The following OPA3 variants were observed in gnomAD, a reference collection of about 807,000 sequenced individuals.
OPA3 encodes optic atrophy 3 protein.
A neutral mutation model predicts 4.0 loss-of-function variants in OPA3; 6 were observed. The ratio of observed to expected loss-of-function variants is 1.51; its 90% CI spans 0.83 to 2.99. The LOEUF is 2.99. Among genes scored for constraint, OPA3 ranks in the 30% most tolerant of loss-of-function variants. The pLI, the probability that OPA3 is intolerant of heterozygous loss-of-function variation, is 0.00. For missense variants in OPA3, 235 were observed against 256.2 expected, an observed-to-expected ratio of 0.92 and a Z score of 0.56; for synonymous variants, 105 against 117.1, an observed-to-expected ratio of 0.90 and a Z score of 0.67.
intron 1 of OPA3, among the ~76,000 whole-genome samples, chr19:45,578,828 AAAAATAAAAT>A (rs535854097): frequency 6.6e-6 from 1 of 152,002 alleles, no homozygotes; most frequent in Admixed American, 6.6e-5. Flanking sequence ...CTCTGTCTCA[AAAAATAAAAT>A]AAAATAAAAT....
At chr19:45,584,271 G>A (rs1226192560) in intron 1 of OPA3, 1 of 917,112 alleles carries the variant, frequency 1.1e-6, no homozygotes, top group Non-Finnish European at 1.3e-6. Context: ...GACCCCGTCC[G>A]GTTTCTCCTC....
Position 45,551,792 on chromosome 19 carries a change from G to A in OPA3, c.*1722C>T, listed in dbSNP as rs1020287289. On this transcript the variant is annotated 3_prime_UTR_variant, in exon 2 of 2. Coordinates refer to ENST00000263275, the MANE Select transcript of OPA3 (RefSeq NM_025136.4). ...TACTGCTACATGAAGACAGGCTGTC[G>A]GGTCAGTCCAGAGCTCCGAGGAAAG... is the stretch of plus-strand genomic sequence containing the variant. 9.8e-5 allele frequency: 97 copies of A among 985,336 alleles called. No homozygotes were observed. Among genetic ancestry groups the A allele is most frequent in the Non-Finnish European group, 1.1e-4 (93 of 829,980 alleles). 61.0% of individuals were successfully genotyped at this position (985,336 alleles called of 1,614,324 possible).
downstream of OPA3, among the ~76,000 whole-genome samples, chr19:45,541,545 A>C (rs141069161): frequency 7.7e-4 from 117 of 152,252 alleles, no homozygotes; most frequent in African/African-American, 2.6e-3. Context: ...GTCTCTACTA[A>C]AAAATAAAAC....
At chr19:45,558,604 T>A (rs966477030) in intron 1 of OPA3, among the ~76,000 whole-genome samples, 1 of 152,136 alleles carries the variant, frequency 6.6e-6, no homozygotes, top group Non-Finnish European at 1.5e-5. Context: ...CGTTACCTAC[T>A]CATAATCCAG....
Position 45,550,880 on chromosome 19 carries a change from A to T in OPA3, c.*2634T>A. The stretch of plus-strand genomic sequence containing the variant: ...TTCAGTGGCAGATCCTGGAAGAGAA[A>T]CCCAGTAGAAAAGGGTGGTTCCTAG... On this transcript the variant is annotated 3_prime_UTR_variant, in exon 2 of 2. Coordinates refer to ENST00000263275, the MANE Select transcript of OPA3 (RefSeq NM_025136.4). 11 of 985,922 alleles carry T rather than the reference A, an allele frequency of 1.1e-5. No individual in the cohort carries two copies. Among genetic ancestry groups the T allele is most frequent in the Non-Finnish European group, 1.3e-5 (11 of 830,032 alleles). 61.1% of individuals were successfully genotyped at this position (985,922 alleles called of 1,614,324 possible).
At chr19:45,566,691 G>A (rs1332302269) in intron 1 of OPA3, among the ~76,000 whole-genome samples, 1 of 151,700 alleles carries the variant, frequency 6.6e-6, no homozygotes. Flanking sequence ...GGCCAGGCTG[G>A]TCTCAATCTC....
At chr19:45,572,727 A>G (rs1229524231) in intron 1 of OPA3, among the ~76,000 whole-genome samples, 1 of 141,450 alleles carries the variant, frequency 7.1e-6, no homozygotes, top group Non-Finnish European at 1.5e-5. Flanking sequence ...ATATACCTAT[A>G]TATCATACTA....
intron 1 of OPA3, among the ~76,000 whole-genome samples, chr19:45,564,393 A>C (rs926949892): frequency 2.0e-5 from 3 of 152,172 alleles, no homozygotes; most frequent in Non-Finnish European, 2.9e-5. Context: ...AAAGTGACTG[A>C]GGGTGGGGTT....
At position 45,531,918 on chromosome 19, in the gene OPA3, T is replaced by C. The variant is rs188669018; in HGVS notation, c.143-2462A>G. 1.1e-4 allele frequency among the ~76,000 whole-genome samples: 16 copies of C among 152,346 alleles called. No homozygotes were observed. In the East Asian group the frequency reaches 3.1e-3, roughly 29 times the overall value. On this transcript the variant is annotated intron_variant, in intron 1 of 1. Coordinates refer to the OPA3 transcript ENST00000323060. ...TTGTCTGCTCAGTAAAGGATTAACT[T>C]CATCCAAATAGAGGTCTGACCTTTG...
intron 1 of OPA3, among the ~76,000 whole-genome samples, chr19:45,541,104 T>C (rs577252810): frequency 6.6e-6 from 1 of 152,252 alleles, no homozygotes; most frequent in South Asian, 2.1e-4. Flanking sequence ...ATGGGGACTG[T>C]TCTCCCACAA....
At chr19:45,537,409 A>G (rs1599951522) in intron 1 of OPA3, among the ~76,000 whole-genome samples, 1 of 145,980 alleles carries the variant, frequency 6.9e-6, no homozygotes. Context: ...AAAAAAAAAA[A>G]AAAAAAAAAA....
chr19:45,582,637 C>A (rs1969873497), intron 1 of OPA3, among the ~76,000 whole-genome samples: 1 of 151,920 alleles, frequency 6.6e-6, no homozygotes, highest in African/African-American at 2.4e-5. Context: ...CACAGGGAGT[C>A]GGAGCTGTCT....
At chr19:45,570,033 G>T (rs1038957351) in intron 1 of OPA3, among the ~76,000 whole-genome samples, 1 of 152,182 alleles carries the variant, frequency 6.6e-6, no homozygotes, top group African/African-American at 2.4e-5. Context: ...GTCAATGACC[G>T]AGATGGCCTC....
intron 1 of OPA3, among the ~76,000 whole-genome samples, chr19:45,572,194 A>G (rs1353883005): frequency 6.9e-6 from 1 of 144,512 alleles, no homozygotes; most frequent in African/African-American, 2.5e-5. Flanking sequence ...TCTGATATAT[A>G]TATGAGATAT....
chr19:45,571,748 T>C (rs1422176420), intron 1 of OPA3, among the ~76,000 whole-genome samples: 1 of 152,162 alleles, frequency 6.6e-6, no homozygotes, highest in Admixed American at 6.6e-5. Flanking sequence ...CTCCTGGGCA[T>C]CTACTGGAAG....
intron 1 of OPA3, among the ~76,000 whole-genome samples, chr19:45,574,790 A>G (rs2122501998): frequency 6.6e-6 from 1 of 152,294 alleles, no homozygotes; most frequent in South Asian, 2.1e-4. Flanking sequence ...GGAAGATTCC[A>G]GGCCTTGCCC....
chr19:45,579,715 C>A (rs1461705493), intron 1 of OPA3, among the ~76,000 whole-genome samples: 1 of 151,966 alleles, frequency 6.6e-6, no homozygotes, highest in Non-Finnish European at 1.5e-5. Context: ...TTATTTACAG[C>A]ATAATGCATA....
chr19:45,529,186 G>C lies in OPA3; in HGVS notation c.413C>G (p.Ala138Gly), dbSNP rs750607594. The C allele has an allele frequency of 1.4e-5, 23 of 1,610,494 alleles. No homozygotes were observed. The East Asian group carries it at 1.6e-4, about 11-fold the overall frequency. The change falls in exon 2 of 2, where the codon GCG becomes GGG. Residue 138 changes from alanine (A) to glycine (G), a missense_variant. Transcript: ENST00000323060. ...CTGCGTCGACGTCGCCTGCACCTGC[G>C]CCTGCAACTCCTCGAGCGCCAGCCC...
intron 1 of OPA3, chr19:45,584,331 C>T: frequency 1.0e-6 from 1 of 985,324 alleles, no homozygotes; most frequent in Non-Finnish European, 1.2e-6. Context: ...CAAATTTCTC[C>T]CATCTCTCAC....
Sources: gnomAD v4.1 joint callset for allele counts (sites outside exome capture counted in the v4.1 genomes callset) on GRCh38, gnomAD v4.1.1 for gene constraint, MANE v1.5 for transcripts, NCBI Gene and HGNC (gene_info 2026-07-23, HGNC 2026-07-21) for gene names.